Variants in NTM observed in about 807,000 individuals in gnomAD.
NTM encodes the protein IgLON family member 2.
Under a neutral mutation model 42.1 loss-of-function variants are expected in NTM, and 13 were observed. The ratio of observed to expected loss-of-function variants is 0.31; its 90% CI spans 0.20 to 0.49. The LOEUF is 0.49. Ranked by LOEUF, NTM falls within the 20% of genes least tolerant of loss-of-function variation. The pLI is 0.99. For synonymous variants in NTM, 187 were observed against 179.2 expected, an observed-to-expected ratio of 1.04 and a Z score of -0.35; for missense variants, 373 against 452.8, an observed-to-expected ratio of 0.82 and a Z score of 1.60.
intron 1 of NTM, among the ~76,000 whole-genome samples, chr11:131,703,496 A>T (rs899574961): frequency 6.6e-6 from 1 of 152,220 alleles, no homozygotes; most frequent in Non-Finnish European, 1.5e-5. Flanking sequence ...CTGCATTAAG[A>T]TCAAATCTCT....
At chr11:131,765,263 C>T (rs992733909) in intron 1 of NTM, among the ~76,000 whole-genome samples, 2 of 152,088 alleles carry the variant, frequency 1.3e-5, no homozygotes, top group Admixed American at 6.6e-5. Context: ...AATGGCTTTC[C>T]GTTGCTCTGA....
At chr11:132,166,531 C>G (rs189768716) in intron 3 of NTM, among the ~76,000 whole-genome samples, 1 of 151,814 alleles carries the variant, frequency 6.6e-6, no homozygotes. Context: ...GTAGAGAACT[C>G]TCTAATGAAA....
chr11:131,829,402 A>C (rs1310841305), intron 1 of NTM, among the ~76,000 whole-genome samples: 1 of 152,108 alleles, frequency 6.6e-6, no homozygotes, highest in African/African-American at 2.4e-5. Flanking sequence ...ATGAGTACCC[A>C]ATGTTTAGGT....
intron 4 of NTM, among the ~76,000 whole-genome samples, chr11:132,220,306 A>G (rs2084881810): frequency 6.6e-6 from 1 of 152,210 alleles, no homozygotes; most frequent in African/African-American, 2.4e-5. Flanking sequence ...GTGGGAGAGA[A>G]AAAAGCAGAG....
At chr11:131,986,089 G>T (rs1183536624) in intron 2 of NTM, among the ~76,000 whole-genome samples, 3 of 152,128 alleles carry the variant, frequency 2.0e-5, no homozygotes, top group African/African-American at 7.2e-5. Context: ...GGATCTCTTT[G>T]GATCTGATTT....
At chr11:131,926,745 T>G (rs114788891) in intron 2 of NTM, among the ~76,000 whole-genome samples, 1,927 of 152,302 alleles carry the variant, frequency 0.013, 36 homozygotes, top group African/African-American at 0.041. Flanking sequence ...GCCTGGTAGT[T>G]TCCGTGTGGA....
At position 132,297,543 on chromosome 11, in the gene NTM, T is replaced by TA. The variant is rs540799338; in HGVS notation, c.527-10146_527-10145insA. ...TGGGAAAAGACTTTCCCCCATTTAG[T>TA]GAAAAAAGAACTCCCCAGATCGATA... On this transcript the variant is annotated intron_variant, in intron 4 of 8. Transcript: ENST00000683400. Among the ~76,000 whole-genome samples the TA allele has an allele frequency of 5.6e-4, 86 of 152,296 alleles. 1 individual carries two copies. In the South Asian group the frequency reaches 0.015, roughly 27 times the overall value.
At chr11:132,157,086 C>T (rs1203661983) in intron 3 of NTM, among the ~76,000 whole-genome samples, 1 of 152,168 alleles carries the variant, frequency 6.6e-6, no homozygotes, top group Non-Finnish European at 1.5e-5. Context: ...CTGATTTCAG[C>T]CTAGTGAGAG....
chr11:131,839,208 C>T (rs887416544), intron 1 of NTM, among the ~76,000 whole-genome samples: 11 of 152,102 alleles, frequency 7.2e-5, no homozygotes, highest in East Asian at 3.9e-4. Flanking sequence ...GTGATCCGCC[C>T]GCCTCGGCCT....
At chr11:132,171,050 T>G (rs895376034) in intron 3 of NTM, among the ~76,000 whole-genome samples, 2 of 152,228 alleles carry the variant, frequency 1.3e-5, no homozygotes, top group Admixed American at 1.3e-4. Context: ...CAAGAATCGT[T>G]CACTAAATGT....
chr11:132,169,319 A>ATTTTTTTTTTTTTTT (rs1491121130), intron 3 of NTM, among the ~76,000 whole-genome samples: 14 of 10,286 alleles, frequency 1.4e-3, no homozygotes, highest in Non-Finnish European at 2.5e-3. Context: ...TAATTTTTTT[A>ATTTTTTTTTTTTTTT]CTTTTTTTTT....
chr11:132,277,198 G>A (rs927866700), intron 4 of NTM, among the ~76,000 whole-genome samples: 1 of 152,166 alleles, frequency 6.6e-6, no homozygotes, highest in African/African-American at 2.4e-5. Context: ...AAAGTGGCAA[G>A]AGTGTACATT....
intron 1 of NTM, among the ~76,000 whole-genome samples, chr11:131,883,948 G>C (rs149443903): frequency 1.3e-5 from 2 of 152,142 alleles, no homozygotes; most frequent in Non-Finnish European, 2.9e-5. Context: ...TGTGCACTGG[G>C]GGAGGAAGTG....
In NTM at chr11:132,258,120, C is replaced by T. The variant is rs557358887; in HGVS notation, c.526+45973C>T. Among the ~76,000 whole-genome samples the T allele has an allele frequency of 1.2e-4, 18 of 152,332 alleles. No individual in the cohort carries two copies. In the East Asian group the frequency reaches 1.7e-3, roughly 15 times the overall value. Reference sequence around the variant, plus strand: ...ATCCTCCAGGAGAGGACAAGCCATGCGGCATCTCTAATTAGAACCCAGGCT... The same window carrying T: ...ATCCTCCAGGAGAGGACAAGCCATGTGGCATCTCTAATTAGAACCCAGGCT... On this transcript the variant is annotated intron_variant, in intron 4 of 8. Coordinates refer to ENST00000683400, the MANE Select transcript of NTM (RefSeq NM_001352005.2).
intron 4 of NTM, among the ~76,000 whole-genome samples, chr11:132,272,670 G>A (rs1450836001): frequency 6.6e-6 from 1 of 152,012 alleles, no homozygotes; most frequent in East Asian, 1.9e-4. Flanking sequence ...TTCATTTTTA[G>A]ATTGTTTATT....
At chr11:131,481,659 G>A (rs1203370486) in intron 1 of NTM, among the ~76,000 whole-genome samples, 1 of 151,990 alleles carries the variant, frequency 6.6e-6, no homozygotes, top group African/African-American at 2.4e-5. Flanking sequence ...GGTCAGCATA[G>A]GCAGCCACAC....
intron 1 of NTM, among the ~76,000 whole-genome samples, chr11:131,841,814 A>C (rs997922667): frequency 2.6e-5 from 4 of 152,114 alleles, no homozygotes; most frequent in African/African-American, 7.2e-5. Flanking sequence ...TGGGGATTAC[A>C]GCTGAAGGAG....
In NTM at chr11:132,046,129, T is replaced by C. The variant is rs1165846077; in HGVS notation, c.168-100153T>C. On this transcript the variant is annotated intron_variant, in intron 2 of 8. Coordinates refer to ENST00000683400, the MANE Select transcript of NTM (RefSeq NM_001352005.2). ...AATTTCTGCAAAATGGGGATAATAA[T>C]AGTGCTTACTTCCTAGGATGGTAAT... Among the ~76,000 whole-genome samples the C allele has an allele frequency of 2.0e-5, 3 of 152,172 alleles. No homozygotes were observed. In the East Asian group the frequency reaches 5.8e-4, roughly 29 times the overall value.
At chr11:131,968,441 C>G (rs531562320) in intron 2 of NTM, among the ~76,000 whole-genome samples, 1 of 152,148 alleles carries the variant, frequency 6.6e-6, no homozygotes, top group South Asian at 2.1e-4. Context: ...GTTTCTTAAA[C>G]ATATTAAGGT....
Sources: allele counts gnomAD v4.1 joint callset (sites outside exome capture counted in the v4.1 genomes callset), GRCh38; gene constraint gnomAD v4.1.1; transcripts MANE v1.5; gene names NCBI Gene and HGNC (gene_info 2026-07-23, HGNC 2026-07-21).